MED12L: variants seen among roughly 807,000 people sequenced by gnomAD.
MED12L encodes mediator of RNA polymerase II transcription subunit 12-like protein.
In MED12L, 60 loss-of-function variants were observed where a neutral mutation model predicts 281.3. The observed-to-expected ratio is 0.21, with a 90% CI of 0.17 to 0.26. The LOEUF (loss-of-function observed/expected upper bound fraction) is 0.26, where lower values mean the gene tolerates loss of function less well. Ranked by LOEUF, MED12L falls within the 10% of genes least tolerant of loss-of-function variation. The pLI is 1.00. For missense variants in MED12L, 2,146 were observed against 2,680.9 expected (o/e 0.80, Z 4.41); for synonymous variants, 974 against 987.2 (o/e 0.99, Z 0.25).
chr3:151,387,881 T>C lies in MED12L; in HGVS notation c.5160T>C (p.Pro1720=). 6.2e-7 allele frequency: 1 copy of C among 1,614,138 alleles called. No homozygotes were observed. The highest frequency in any genetic ancestry group is 1.7e-5 in the Admixed American group (1 of 60,016). Residue 1720 remains proline (P), a synonymous_variant, in exon 37 of 45, where the codon CCT becomes CCC. Coordinates refer to ENST00000687756, the MANE Select transcript of MED12L (RefSeq NM_001393769.1). ...DLFEGQKNPA[P]LSWAWFGTVR... ...TTGAGGGTCAGAAGAACCCAGCTCCTTTGTCCTGGGCCTGGTTTGGGACAG... is the reference window on the plus strand; with the variant it reads ...TTGAGGGTCAGAAGAACCCAGCTCCCTTGTCCTGGGCCTGGTTTGGGACAG...
chr3:151,182,193 A>G (rs1006294331), intron 11 of MED12L, among the ~76,000 whole-genome samples: 2 of 152,164 alleles, frequency 1.3e-5, no homozygotes, highest in Non-Finnish European at 2.9e-5. Context: ...AATGCTCTAG[A>G]TGTTATAACA....
intron 39 of MED12L, among the ~76,000 whole-genome samples, chr3:151,405,103 C>G (rs1171573938): frequency 6.6e-6 from 1 of 152,210 alleles, no homozygotes; most frequent in Non-Finnish European, 1.5e-5. Flanking sequence ...AGAGAGAGAA[C>G]TCTTCTTATA....
chr3:151,094,587 A>G (rs1720475214), intron 2 of MED12L, among the ~76,000 whole-genome samples: 2 of 152,236 alleles, frequency 1.3e-5, no homozygotes, highest in African/African-American at 4.8e-5. Context: ...AGTTCATGAT[A>G]CTGTTCTCTT....
At chr3:151,152,003 T>G (rs1400153172) in intron 5 of MED12L, among the ~76,000 whole-genome samples, 2 of 151,194 alleles carry the variant, frequency 1.3e-5, no homozygotes, top group African/African-American at 2.4e-5. Flanking sequence ...TGAGAAATGG[T>G]AGATAGTGTT....
chr3:151,294,171 A>C (rs1233212072), intron 16 of MED12L: 24 of 1,546,268 alleles, frequency 1.6e-5, no homozygotes, highest in Non-Finnish European at 2.0e-5. Flanking sequence ...TAAAAGGCCT[A>C]CACATCAGTG....
chr3:151,312,820 C>T (rs1245819496), intron 16 of MED12L, among the ~76,000 whole-genome samples: 1 of 152,174 alleles, frequency 6.6e-6, no homozygotes, highest in Non-Finnish European at 1.5e-5. Flanking sequence ...GGTTACCCAA[C>T]CCCTCTGTGC....
intron 24 of MED12L, 65 bp downstream of exon 24, chr3:151,367,831 A>T: frequency 2.0e-6 from 3 of 1,532,042 alleles, no homozygotes; most frequent in Middle Eastern, 1.7e-4. Context: ...GGTTTCTAAC[A>T]TTACAACACA....
chr3:151,184,519 C>T (rs1363986361), intron 11 of MED12L, among the ~76,000 whole-genome samples: 1 of 152,098 alleles, frequency 6.6e-6, no homozygotes, highest in Non-Finnish European at 1.5e-5. Flanking sequence ...TATTGGTTGG[C>T]GTGGACCCTC....
intron 16 of MED12L, among the ~76,000 whole-genome samples, chr3:151,259,829 ACT>A (rs1738521238): frequency 6.6e-6 from 1 of 151,604 alleles, no homozygotes; most frequent in African/African-American, 2.4e-5. Context: ...TTCTTTTTTC[ACT>A]CTGTTTATTC....
intron 23 of MED12L, among the ~76,000 whole-genome samples, chr3:151,367,108 C>T (rs1180206114): frequency 1.6e-5 from 1 of 61,294 alleles, no homozygotes; most frequent in Non-Finnish European, 2.7e-5. Flanking sequence ...ATTAATTTCC[C>T]CCTCTGTCCT....
chr3:151,380,248 A>G (rs749148156), intron 32 of MED12L, 24 bp downstream of exon 32: 13 of 1,408,314 alleles, frequency 9.2e-6, no homozygotes, highest in Non-Finnish European at 1.2e-5. Context: ...TAATATTAAG[A>G]CAGGCAAATA....
At chr3:151,329,526 C>CATT in intron 16 of MED12L, 4 of 1,546,842 alleles carry the variant, frequency 2.6e-6, no homozygotes, top group Non-Finnish European at 3.5e-6. Context: ...TGGCGGCAGT[C>CATT]ATTAGTTCAG....
At chr3:151,285,227 G>A (rs1364719987) in intron 16 of MED12L, among the ~76,000 whole-genome samples, 2 of 152,018 alleles carry the variant, frequency 1.3e-5, no homozygotes, top group Non-Finnish European at 2.9e-5. Flanking sequence ...GCTCACGCCT[G>A]TAATCCCAGC....
At chr3:151,171,104 C>T (rs975627469) in intron 11 of MED12L, among the ~76,000 whole-genome samples, 1 of 152,200 alleles carries the variant, frequency 6.6e-6, no homozygotes. Context: ...ATGTCTTCTA[C>T]AACATGTACT....
chr3:151,373,643 C>G (rs1756456490), intron 27 of MED12L, among the ~76,000 whole-genome samples: 2 of 152,054 alleles, frequency 1.3e-5, no homozygotes, highest in African/African-American at 4.8e-5. Flanking sequence ...CCTCCTCTCC[C>G]CTGTTTATTT....
At chr3:151,330,836 A>G (rs977141205) in intron 16 of MED12L, among the ~76,000 whole-genome samples, 1 of 152,202 alleles carries the variant, frequency 6.6e-6, no homozygotes, top group African/African-American at 2.4e-5. Context: ...TTAATAGAAC[A>G]TACATGTATG....
intron 16 of MED12L, among the ~76,000 whole-genome samples, chr3:151,237,737 G>A (rs958955256): frequency 2.0e-5 from 3 of 152,062 alleles, no homozygotes; most frequent in African/African-American, 4.8e-5. Flanking sequence ...CCTCTCTGAC[G>A]TTTTATCTTT....
intron 2 of MED12L, among the ~76,000 whole-genome samples, chr3:151,108,957 G>T (rs1711499459): frequency 6.6e-6 from 1 of 152,058 alleles, no homozygotes; most frequent in African/African-American, 2.4e-5. Flanking sequence ...TTAAAAGATT[G>T]CTTTGAAAGT....
At chr3:151,308,426 G>A (rs554809648) in intron 16 of MED12L, among the ~76,000 whole-genome samples, 104 of 152,202 alleles carry the variant, frequency 6.8e-4, no homozygotes, top group African/African-American at 2.4e-3. Flanking sequence ...GATCATTTAT[G>A]TAAGAGGCTA....
Sources: allele counts gnomAD v4.1 joint callset (sites outside exome capture counted in the v4.1 genomes callset), GRCh38; gene constraint gnomAD v4.1.1; transcripts MANE v1.5; gene names NCBI Gene and HGNC (gene_info 2026-07-23, HGNC 2026-07-21).